The following CTNNA2 variants were observed in gnomAD, a reference collection of about 807,000 sequenced individuals.
The protein encoded by CTNNA2 is catenin alpha-2.
A neutral mutation model predicts 101.0 loss-of-function variants in CTNNA2; 42 were observed. The observed-to-expected ratio is 0.42, with a 90% CI of 0.32 to 0.54. The LOEUF is 0.54. Among genes scored for constraint, CTNNA2 ranks in the 20% least tolerant of loss-of-function variants. The probability of loss-of-function intolerance (pLI) is 0.14; values close to 1 mark genes in which losing one functional copy is unlikely to be tolerated. For missense variants in CTNNA2, 871 were observed against 1,223.1 expected (o/e 0.71, Z 4.29); for synonymous variants, 450 against 456.4 (o/e 0.99, Z 0.18).
chr2:79,783,167 G>T (rs1231691455), intron 3 of CTNNA2, among the ~76,000 whole-genome samples: 1 of 152,164 alleles, frequency 6.6e-6, no homozygotes, highest in Non-Finnish European at 1.5e-5. Context: ...GGGAGAACAA[G>T]TGGCTTATAG....
At chr2:79,839,176 A>T (rs1041867167) in intron 3 of CTNNA2, among the ~76,000 whole-genome samples, 1 of 152,084 alleles carries the variant, frequency 6.6e-6, no homozygotes, top group Non-Finnish European at 1.5e-5. Flanking sequence ...AATTTTAAAT[A>T]ATATTTTAGC....
At chr2:80,399,791 C>T (rs1678385574) in intron 8 of CTNNA2, among the ~76,000 whole-genome samples, 3 of 152,128 alleles carry the variant, frequency 2.0e-5, no homozygotes, top group Non-Finnish European at 4.4e-5. Flanking sequence ...CTGGAAGATC[C>T]ACTGTAGGAT....
At chr2:80,586,170 G>A (rs954965312) in intron 14 of CTNNA2, 2 of 152,110 alleles carry the variant, frequency 1.3e-5, no homozygotes, top group African/African-American at 4.8e-5. Context: ...AAACCCTAGG[G>A]AAGCATATAA....
At chr2:79,776,253 A>C (rs1000457772) in intron 3 of CTNNA2, among the ~76,000 whole-genome samples, 1 of 151,896 alleles carries the variant, frequency 6.6e-6, no homozygotes, top group East Asian at 1.9e-4. Flanking sequence ...AATTCCAACC[A>C]GTTAACTTTT....
At chr2:80,324,721 A>G (rs1679077367) in intron 7 of CTNNA2, among the ~76,000 whole-genome samples, 1 of 151,930 alleles carries the variant, frequency 6.6e-6, no homozygotes, top group African/African-American at 2.4e-5. Context: ...CTGGACCTTG[A>G]CCACCTCCCT....
chr2:79,802,174 G>A lies in CTNNA2; in HGVS notation c.299-55839G>A, dbSNP rs543364537. On this transcript the variant is annotated intron_variant, in intron 3 of 18. Transcript: ENST00000402739. ...TGCCACCAGCAAAGACCTAAAGCAC[G>A]TAGAGGCTATGCTCTCCCTCAGTAT... Among the ~76,000 whole-genome samples, 120 of 152,178 alleles carry A rather than the reference G, an allele frequency of 7.9e-4. 1 individual carries two copies. The highest frequency in any genetic ancestry group is 2.8e-3 in the African/African-American group (116 of 41,534).
intron 9 of CTNNA2, among the ~76,000 whole-genome samples, chr2:80,471,320 C>T (rs574023773): frequency 6.6e-6 from 1 of 152,238 alleles, no homozygotes; most frequent in Admixed American, 6.5e-5. Flanking sequence ...CATAAGGTAG[C>T]GTTTGCTAAA....
At chr2:80,427,236 G>A (rs921057127) in intron 9 of CTNNA2, among the ~76,000 whole-genome samples, 1 of 152,152 alleles carries the variant, frequency 6.6e-6, no homozygotes, top group African/African-American at 2.4e-5. Context: ...AGGTCACCTT[G>A]GAGATCAGCA....
intron 9 of CTNNA2, among the ~76,000 whole-genome samples, chr2:80,461,266 T>G (rs1372164192): frequency 6.6e-6 from 1 of 152,150 alleles, no homozygotes; most frequent in Non-Finnish European, 1.5e-5. Flanking sequence ...TCCTCCCCCA[T>G]GCCTGACATG....
At chr2:79,237,967 G>A (rs1674578391) in intron 2 of CTNNA2, among the ~76,000 whole-genome samples, 1 of 152,152 alleles carries the variant, frequency 6.6e-6, no homozygotes, top group African/African-American at 2.4e-5. Context: ...TCGTTCACTG[G>A]AGTAGCACAT....
At chr2:80,437,721 G>A (rs901671315) in intron 9 of CTNNA2, among the ~76,000 whole-genome samples, 8 of 152,292 alleles carry the variant, frequency 5.3e-5, no homozygotes, top group East Asian at 1.9e-4. Context: ...CACACTGACC[G>A]GGTGCAGTGG....
intron 7 of CTNNA2, among the ~76,000 whole-genome samples, chr2:80,350,641 T>A (rs1295923241): frequency 2.0e-5 from 3 of 152,104 alleles, no homozygotes; most frequent in Admixed American, 6.6e-5. Flanking sequence ...AAAAAATATT[T>A]TTCTACCTAG....
intron 1 of CTNNA2, among the ~76,000 whole-genome samples, chr2:79,556,542 A>G (rs1346515307): frequency 6.6e-6 from 1 of 152,008 alleles, no homozygotes; most frequent in Non-Finnish European, 1.5e-5. Context: ...CCCCTGATAC[A>G]TTCTTAGTTA....
intron 7 of CTNNA2, among the ~76,000 whole-genome samples, chr2:80,267,519 T>C (rs1051062904): frequency 1.3e-5 from 2 of 152,052 alleles, no homozygotes; most frequent in African/African-American, 4.8e-5. Flanking sequence ...CAAACATACT[T>C]CCCCTGCCAT....
chr2:80,150,552 T>C (rs1185269999), intron 7 of CTNNA2, among the ~76,000 whole-genome samples: 3 of 152,194 alleles, frequency 2.0e-5, no homozygotes, highest in Non-Finnish European at 2.9e-5. Flanking sequence ...CTGTTTTTCA[T>C]GTTTTCAATT....
chr2:80,111,851 G>A (rs557036007), intron 7 of CTNNA2, among the ~76,000 whole-genome samples: 3 of 152,176 alleles, frequency 2.0e-5, no homozygotes, highest in African/African-American at 4.8e-5. Flanking sequence ...TTACGTAGAG[G>A]TGTTTTGAAG....
intron 7 of CTNNA2, among the ~76,000 whole-genome samples, chr2:79,930,033 T>C (rs1687281701): frequency 6.6e-6 from 1 of 152,002 alleles, no homozygotes; most frequent in Admixed American, 6.6e-5. Context: ...GGTTGGAAGT[T>C]TGAGACTAGC....
intron 4 of CTNNA2, among the ~76,000 whole-genome samples, chr2:79,457,164 T>A (rs1225680662): frequency 1.4e-5 from 2 of 146,118 alleles, no homozygotes; most frequent in African/African-American, 5.1e-5. Flanking sequence ...ATTGCACCAC[T>A]GCACTCCAGC....
intron 1 of CTNNA2, among the ~76,000 whole-genome samples, chr2:79,527,474 C>CAAAAAAAAAAAA (rs58822666): frequency 1.3e-4 from 11 of 85,108 alleles, no homozygotes; most frequent in East Asian, 4.3e-4. Context: ...ACTAAAAATA[C>CAAAAAAAAAAAA]AAAAAAAAAA....
Sources: gnomAD v4.1 joint callset for allele counts (sites outside exome capture counted in the v4.1 genomes callset) on GRCh38, gnomAD v4.1.1 for gene constraint, MANE v1.5 for transcripts, NCBI Gene and HGNC (gene_info 2026-07-23, HGNC 2026-07-21) for gene names.